CYP7B1: variants seen among roughly 807,000 people sequenced by gnomAD.
The protein encoded by CYP7B1 is cytochrome P450 family 7 subfamily B member 1, also known as cytochrome P450 7B1.
A neutral mutation model predicts 42.7 loss-of-function variants in CYP7B1; 29 were observed. That is an observed-to-expected ratio of 0.68 (90% CI 0.51 to 0.93). CYP7B1 has a LOEUF of 0.93. Ranked by LOEUF, CYP7B1 falls within the 40% of genes least tolerant of loss-of-function variation. The probability of loss-of-function intolerance (pLI) is 0.00; values close to 1 mark genes in which losing one functional copy is unlikely to be tolerated. For missense variants in CYP7B1, 655 were observed against 600.5 expected, an observed-to-expected ratio of 1.09 and a Z score of -0.95; for synonymous variants, 235 against 218.2, an observed-to-expected ratio of 1.08 and a Z score of -0.68.
intron 1 of CYP7B1, among the ~76,000 whole-genome samples, chr8:64,769,571 AAATTTTAATT>A (rs1460662553): frequency 1.3e-5 from 2 of 152,180 alleles, no homozygotes; most frequent in Non-Finnish European, 2.9e-5. Flanking sequence ...ATGCCCAATT[AAATTTTAATT>A]GTGTGACCTT....
intron 1 of CYP7B1, among the ~76,000 whole-genome samples, chr8:64,632,792 A>C (rs941886935): frequency 6.6e-6 from 1 of 152,116 alleles, no homozygotes; most frequent in African/African-American, 2.4e-5. Context: ...CAAGGCAATA[A>C]TGTCCCTCTC....
At chr8:64,714,736 A>G (rs1443316779) in intron 1 of CYP7B1, among the ~76,000 whole-genome samples, 3 of 152,194 alleles carry the variant, frequency 2.0e-5, no homozygotes, top group African/African-American at 7.2e-5. Flanking sequence ...TGATGTCCCC[A>G]TCATCTACTC....
intron 4 of CYP7B1, among the ~76,000 whole-genome samples, chr8:64,608,025 C>G (rs1157664719): frequency 6.6e-6 from 1 of 152,082 alleles, no homozygotes; most frequent in African/African-American, 2.4e-5. Context: ...AATTGGATTC[C>G]AAAATTCCCT....
At chr8:64,621,410 T>C (rs1440476546) in intron 2 of CYP7B1, among the ~76,000 whole-genome samples, 2 of 152,210 alleles carry the variant, frequency 1.3e-5, no homozygotes, top group East Asian at 1.9e-4. Context: ...GCAAAGGCTC[T>C]TGAGAGGAAG....
chr8:64,776,004 G>A (rs56098227), intron 1 of CYP7B1, among the ~76,000 whole-genome samples: 273 of 152,214 alleles, frequency 1.8e-3, no homozygotes, highest in Middle Eastern at 0.017. Flanking sequence ...TCTGCTGTGG[G>A]TGCTCCATTA....
At chr8:64,605,198 T>G (rs1249354897) in intron 4 of CYP7B1, among the ~76,000 whole-genome samples, 1 of 152,166 alleles carries the variant, frequency 6.6e-6, no homozygotes, top group Non-Finnish European at 1.5e-5. Context: ...CATATCCCAG[T>G]TAAAATACAC....
intron 1 of CYP7B1, among the ~76,000 whole-genome samples, chr8:64,735,950 G>A (rs1807481174): frequency 1.3e-5 from 2 of 152,082 alleles, no homozygotes; most frequent in Middle Eastern, 3.4e-3. Flanking sequence ...ATTTTTAAAG[G>A]CATAATTAAA....
chr8:64,604,941 A>G, intron 4 of CYP7B1, 84 bp from the exon 5 acceptor site: 1 of 1,402,968 alleles, frequency 7.1e-7, no homozygotes, highest in Non-Finnish European at 9.8e-7. Flanking sequence ...ACTCATTACT[A>G]ATAGCCTTGA....
At chr8:64,663,552 A>G (rs939880394) in intron 1 of CYP7B1, among the ~76,000 whole-genome samples, 1 of 152,220 alleles carries the variant, frequency 6.6e-6, no homozygotes. Flanking sequence ...ATCATTTTCT[A>G]AAAGATGCAT....
At chr8:64,665,204 C>T (rs931715475) in intron 1 of CYP7B1, among the ~76,000 whole-genome samples, 4 of 152,094 alleles carry the variant, frequency 2.6e-5, no homozygotes, top group African/African-American at 9.7e-5. Flanking sequence ...TTTTTGCCCT[C>T]CCCTAGGAGT....
intron 1 of CYP7B1, among the ~76,000 whole-genome samples, chr8:64,764,154 G>T (rs965448101): frequency 6.6e-6 from 1 of 151,992 alleles, no homozygotes; most frequent in South Asian, 2.1e-4. Flanking sequence ...CCCCAAGTTT[G>T]TAAATGGCTA....
chr8:64,776,274 G>T (rs932114966), intron 1 of CYP7B1, among the ~76,000 whole-genome samples: 2 of 152,062 alleles, frequency 1.3e-5, no homozygotes, highest in South Asian at 4.1e-4. Context: ...CAGAAATGCC[G>T]TCTCTGCATG....
At chr8:64,682,693 C>T (rs1430586237) in intron 1 of CYP7B1, among the ~76,000 whole-genome samples, 1 of 152,200 alleles carries the variant, frequency 6.6e-6, no homozygotes, top group East Asian at 1.9e-4. Context: ...CCTCTCTGCA[C>T]GTGCTCTAGA....
At chr8:64,669,302 A>G (rs1225724499) in intron 1 of CYP7B1, among the ~76,000 whole-genome samples, 1 of 151,770 alleles carries the variant, frequency 6.6e-6, no homozygotes, top group Non-Finnish European at 1.5e-5. Context: ...TCTAAGTCAT[A>G]CTGTTGAGTG....
Position 64,615,955 on chromosome 8 carries a change from T to C in CYP7B1, c.586A>G (p.Ile196Val). 6.2e-7 allele frequency: 1 copy of C among 1,613,690 alleles called. No homozygotes were observed. Among genetic ancestry groups the C allele is most frequent in the Middle Eastern group, 1.7e-4 (1 of 6,058 alleles). The stretch of plus-strand genomic sequence containing the variant: ...TCACAAACAATAACTTTTCCATATA[T>C]AGTTGTAAATGTGATCTCAAATATT... Reference protein sequence around the residue: ...SIIFEITFTTIYGKVIVCDNN... With the variant: ...SIIFEITFTTVYGKVIVCDNN... Residue 196 changes from isoleucine (I) to valine (V), a missense_variant, in exon 3 of 6, where the codon ATA (isoleucine) becomes GTA (valine). Physicochemically the swap from Ile to Val is conservative, Grantham distance 29. Transcript: ENST00000310193.
intron 1 of CYP7B1, among the ~76,000 whole-genome samples, chr8:64,722,875 TTG>T (rs1172627166): frequency 6.6e-6 from 1 of 151,958 alleles, no homozygotes; most frequent in Non-Finnish European, 1.5e-5. Context: ...TCAATCTGTC[TTG>T]TGTCTTCTTA....
chr8:64,750,477 T>A (rs1187951531), intron 1 of CYP7B1, among the ~76,000 whole-genome samples: 1 of 152,238 alleles, frequency 6.6e-6, no homozygotes, highest in Non-Finnish European at 1.5e-5. Flanking sequence ...AAAATTAAGT[T>A]GCAAAGAAGA....
intron 1 of CYP7B1, among the ~76,000 whole-genome samples, chr8:64,722,176 C>G (rs565474911): frequency 1.3e-5 from 2 of 152,110 alleles, no homozygotes; most frequent in Non-Finnish European, 2.9e-5. Flanking sequence ...TTGCATCTTA[C>G]GCAGCAAAAC....
chr8:64,793,813 A>G (rs1486914541), intron 1 of CYP7B1, among the ~76,000 whole-genome samples: 2 of 152,124 alleles, frequency 1.3e-5, no homozygotes, highest in Non-Finnish European at 2.9e-5. Context: ...AAAGATACAT[A>G]TAAGCATAAC....
Sources: gnomAD v4.1 joint callset for allele counts (sites outside exome capture counted in the v4.1 genomes callset) on GRCh38, gnomAD v4.1.1 for gene constraint, MANE v1.5 for transcripts, NCBI Gene and HGNC (gene_info 2026-07-23, HGNC 2026-07-21) for gene names.